MEMO1: variants seen among roughly 807,000 people sequenced by gnomAD.
MEMO1 encodes protein MEMO1.
In MEMO1, 6 loss-of-function variants were observed where a neutral mutation model predicts 45.2. That is an observed-to-expected ratio of 0.13 (90% CI 0.07 to 0.26). The LOEUF (loss-of-function observed/expected upper bound fraction) is 0.26. Among genes scored for constraint, MEMO1 ranks in the 10% least tolerant of loss-of-function variants. The pLI is 1.00. For missense variants in MEMO1, 184 were observed against 370.5 expected (o/e 0.50, Z 4.13); for synonymous variants, 78 against 124.3 (o/e 0.63, Z 2.48).
At chr2:31,978,150 G>A (rs1670220414) in intron 2 of MEMO1, among the ~76,000 whole-genome samples, 1 of 152,106 alleles carries the variant, frequency 6.6e-6, no homozygotes, top group Admixed American at 6.6e-5. Flanking sequence ...ACTGTGGTAA[G>A]TCAAGGCGGG....
At chr2:31,959,602 G>C (rs1400041193) in intron 2 of MEMO1, among the ~76,000 whole-genome samples, 1 of 151,716 alleles carries the variant, frequency 6.6e-6, no homozygotes, top group Non-Finnish European at 1.5e-5. Context: ...GCATTTACAA[G>C]TAGTTACAGA....
At chr2:31,890,971 A>G (rs1676886177) in intron 7 of MEMO1, among the ~76,000 whole-genome samples, 1 of 152,220 alleles carries the variant, frequency 6.6e-6, no homozygotes, top group African/African-American at 2.4e-5. Flanking sequence ...TCTTGAACTG[A>G]GATCTCAACT....
intron 2 of MEMO1, among the ~76,000 whole-genome samples, chr2:31,947,259 T>C (rs1185838887): frequency 6.6e-6 from 1 of 152,160 alleles, no homozygotes; most frequent in East Asian, 1.9e-4. Flanking sequence ...AAACCAAGCT[T>C]TCATATGGCT....
intron 2 of MEMO1, among the ~76,000 whole-genome samples, chr2:31,948,340 A>AT (rs1416261754): frequency 3.3e-5 from 5 of 152,094 alleles, no homozygotes; most frequent in South Asian, 2.1e-4. Flanking sequence ...AACTTTTTCC[A>AT]TTTTTTTTAT....
At chr2:32,008,279 C>T (rs1212812658) in intron 2 of MEMO1, among the ~76,000 whole-genome samples, 3 of 152,224 alleles carry the variant, frequency 2.0e-5, no homozygotes, top group Non-Finnish European at 4.4e-5. Context: ...CAAACTACAA[C>T]GAAAGTTTAA....
At chr2:31,920,020 T>C (rs758949520) in intron 5 of MEMO1, among the ~76,000 whole-genome samples, 2 of 151,584 alleles carry the variant, frequency 1.3e-5, no homozygotes, top group African/African-American at 4.8e-5. Flanking sequence ...AAAGGACATA[T>C]ACCCAGATCA....
At chr2:31,910,679 G>C (rs1310755472) in intron 6 of MEMO1, among the ~76,000 whole-genome samples, 1 of 152,114 alleles carries the variant, frequency 6.6e-6, no homozygotes, top group Non-Finnish European at 1.5e-5. Flanking sequence ...GGGCAGGATA[G>C]TGAGACCCTG....
intron 2 of MEMO1, among the ~76,000 whole-genome samples, chr2:31,985,685 T>G (rs1671177455): frequency 6.6e-6 from 1 of 152,232 alleles, no homozygotes; most frequent in Admixed American, 6.5e-5. Context: ...TTTTAACAAT[T>G]GTTTAGAATC....
At chr2:31,962,823 C>T (rs1668178555) in intron 2 of MEMO1, among the ~76,000 whole-genome samples, 1 of 152,158 alleles carries the variant, frequency 6.6e-6, no homozygotes, top group African/African-American at 2.4e-5. Context: ...GGTGCCCAGA[C>T]ATTTGGTCAA....
intron 2 of MEMO1, among the ~76,000 whole-genome samples, chr2:31,954,703 G>A (rs922585828): frequency 2.0e-5 from 3 of 152,002 alleles, no homozygotes; most frequent in Non-Finnish European, 2.9e-5. Flanking sequence ...GCATAGTGGT[G>A]CATACTTGTA....
chr2:31,970,198 T>G (rs1442798383), intron 2 of MEMO1, among the ~76,000 whole-genome samples: 1 of 151,874 alleles, frequency 6.6e-6, no homozygotes, highest in African/African-American at 2.4e-5. Context: ...TCTGAACTCC[T>G]GACCTCAAGC....
At chr2:31,916,234 T>G (rs931218433) in intron 6 of MEMO1, among the ~76,000 whole-genome samples, 8 of 151,902 alleles carry the variant, frequency 5.3e-5, no homozygotes, top group Admixed American at 1.3e-4. Context: ...TTTTTGGGTT[T>G]GTTTGTTTGT....
chr2:31,977,376 T>G (rs1192103022), intron 2 of MEMO1, among the ~76,000 whole-genome samples: 2 of 152,212 alleles, frequency 1.3e-5, no homozygotes, highest in African/African-American at 2.4e-5. Context: ...GTGCACTGTA[T>G]AGTTTAAGCA....
chr2:31,933,346 A>ATTTTTATATATAT (rs869211483), intron 3 of MEMO1, among the ~76,000 whole-genome samples: 1 of 25,518 alleles, frequency 3.9e-5, no homozygotes, highest in African/African-American at 1.6e-4. Context: ...AAAAAAAAAA[A>ATTTTTATATATAT]AAATTTATAT....
At chr2:31,917,604 T>C (rs929192867) in intron 6 of MEMO1, among the ~76,000 whole-genome samples, 1 of 152,160 alleles carries the variant, frequency 6.6e-6, no homozygotes, top group African/African-American at 2.4e-5. Flanking sequence ...CATAAAAGAA[T>C]GTAATTATTA....
chr2:31,997,869 G>A (rs1672789390), intron 2 of MEMO1, among the ~76,000 whole-genome samples: 1 of 152,318 alleles, frequency 6.6e-6, no homozygotes, highest in African/African-American at 2.4e-5. Flanking sequence ...GAACAGAATG[G>A]AAACTGGGCA....
intron 2 of MEMO1, among the ~76,000 whole-genome samples, chr2:31,957,142 CAAAAA>C (rs754542523): frequency 1.3e-5 from 1 of 77,654 alleles, no homozygotes. Context: ...AACTCCGTCT[CAAAAA>C]AAAAAAAAAA....
chr2:31,971,493 G>A (rs1014376329), intron 2 of MEMO1, among the ~76,000 whole-genome samples: 4 of 152,216 alleles, frequency 2.6e-5, no homozygotes, highest in African/African-American at 9.6e-5. Context: ...GCCTCCCAAA[G>A]TGCTGGGATT....
At chr2:31,984,992 A>C (rs34492168) in intron 2 of MEMO1, among the ~76,000 whole-genome samples, 18,654 of 152,264 alleles carry the variant, frequency 0.12, 1,245 homozygotes, top group Middle Eastern at 0.21. Flanking sequence ...ATATACAGAA[A>C]TTCTGTACTA....
Sources: allele counts gnomAD v4.1 joint callset (sites outside exome capture counted in the v4.1 genomes callset), GRCh38; gene constraint gnomAD v4.1.1; transcripts MANE v1.5; gene names NCBI Gene and HGNC (gene_info 2026-07-23, HGNC 2026-07-21).